Variants in KIAA0825 observed in about 807,000 individuals in gnomAD.
The protein encoded by KIAA0825 is uncharacterized protein KIAA0825.
A neutral mutation model predicts 147.6 loss-of-function variants in KIAA0825; 119 were observed. That is an observed-to-expected ratio of 0.81 (90% CI 0.69 to 0.94). The LOEUF (loss-of-function observed/expected upper bound fraction) is 0.94. Among genes scored for constraint, KIAA0825 ranks in the 40% least tolerant of loss-of-function variants. The pLI is 0.00. For missense variants in KIAA0825, 1,381 were observed against 1,472.7 expected (o/e 0.94, Z 1.02); for synonymous variants, 470 against 518.1 (o/e 0.91, Z 1.26).
At chr5:94,179,841 T>C (rs143688676) in intron 20 of KIAA0825, among the ~76,000 whole-genome samples, 2 of 152,006 alleles carry the variant, frequency 1.3e-5, no homozygotes, top group African/African-American at 4.8e-5. Context: ...ATAAAATAAA[T>C]ATACATGAAT....
intron 20 of KIAA0825, among the ~76,000 whole-genome samples, chr5:94,292,622 G>A (rs2150168778): frequency 6.6e-6 from 1 of 152,194 alleles, no homozygotes; most frequent in East Asian, 1.9e-4. Flanking sequence ...GGATGATGCT[G>A]GTCTCATAAA....
chr5:94,457,889 T>G (rs749551426), intron 12 of KIAA0825, among the ~76,000 whole-genome samples: 11 of 152,192 alleles, frequency 7.2e-5, no homozygotes, highest in African/African-American at 1.7e-4. Context: ...GTAAGCTCTA[T>G]GTGAATGGAG....
chr5:94,396,279 GA>G lies in KIAA0825; in HGVS notation c.3117del (p.Asp1041ThrfsTer10), dbSNP rs1327725333. 1 of 1,551,180 alleles carries G rather than the reference GA, an allele frequency of 6.4e-7. No individual in the cohort carries two copies. The highest frequency in any genetic ancestry group is 1.4e-5 in the African/African-American group (1 of 73,024). On this transcript the variant is annotated frameshift_variant, in exon 17 of 21. Coordinates refer to ENST00000682413, the MANE Select transcript of KIAA0825 (RefSeq NM_001145678.3). LOFTEE classifies it high-confidence loss of function. ...GNTVELLTGASLDRWSKEKLG... is the reference protein window; with the variant it reads ...GNTVELLTGAXLDRWSKEKLG... ...AATTTTTCTTTACTCCATCTGTCAAGAGAGGCACCTGTTAAAAGTTCCACAG... is the reference window on the plus strand; with the variant it reads ...AATTTTTCTTTACTCCATCTGTCAAGGAGGCACCTGTTAAAAGTTCCACAG...
chr5:94,435,178 T>G (rs556484162), intron 14 of KIAA0825, among the ~76,000 whole-genome samples: 34 of 152,154 alleles, frequency 2.2e-4, no homozygotes, highest in African/African-American at 7.9e-4. Context: ...TGCAAACTTG[T>G]TACATAGGTA....
At chr5:94,465,282 C>T (rs1421862469) in intron 10 of KIAA0825, among the ~76,000 whole-genome samples, 1 of 152,198 alleles carries the variant, frequency 6.6e-6, no homozygotes, top group African/African-American at 2.4e-5. Flanking sequence ...AGATCACAAA[C>T]ATTTAACCTA....
chr5:94,282,602 T>C (rs1777513974), intron 20 of KIAA0825, among the ~76,000 whole-genome samples: 1 of 152,128 alleles, frequency 6.6e-6, no homozygotes, highest in Non-Finnish European at 1.5e-5. Flanking sequence ...ATATTCTTGA[T>C]ATGAAATATT....
intron 1 of KIAA0825, among the ~76,000 whole-genome samples, chr5:94,602,839 T>C (rs1038297264): frequency 4.6e-5 from 7 of 151,926 alleles, no homozygotes; most frequent in African/African-American, 1.5e-4. Flanking sequence ...GCCTTTTTTT[T>C]TTTTTTTGAG....
At chr5:94,182,658 T>C (rs564046815) in intron 20 of KIAA0825, among the ~76,000 whole-genome samples, 1 of 152,268 alleles carries the variant, frequency 6.6e-6, no homozygotes, top group East Asian at 1.9e-4. Context: ...TGAAATACTT[T>C]TATGATAATT....
intron 20 of KIAA0825, among the ~76,000 whole-genome samples, chr5:94,241,155 TC>T: frequency 1.3e-5 from 2 of 152,302 alleles, no homozygotes; most frequent in Middle Eastern, 6.8e-3. Flanking sequence ...TTGGCAGACT[TC>T]CTGAGACTCT....
chr5:94,449,534 A>T (rs1460390924), intron 13 of KIAA0825, among the ~76,000 whole-genome samples: 1 of 152,120 alleles, frequency 6.6e-6, no homozygotes, highest in Non-Finnish European at 1.5e-5. Context: ...CAACACTGTT[A>T]CTCCTAATAG....
At chr5:94,184,728 C>A (rs1339376361) in intron 20 of KIAA0825, among the ~76,000 whole-genome samples, 1 of 152,120 alleles carries the variant, frequency 6.6e-6, no homozygotes, top group East Asian at 1.9e-4. Context: ...CACACACATA[C>A]ACAAGTCTTT....
chr5:94,492,652 G>C (rs1411216971), intron 5 of KIAA0825, among the ~76,000 whole-genome samples: 2 of 152,198 alleles, frequency 1.3e-5, no homozygotes, highest in Non-Finnish European at 2.9e-5. Flanking sequence ...TAGTGAGTGT[G>C]AGAGACAAAA....
chr5:94,532,250 C>T (rs376298502), intron 3 of KIAA0825, among the ~76,000 whole-genome samples: 1 of 152,078 alleles, frequency 6.6e-6, no homozygotes, highest in African/African-American at 2.4e-5. Flanking sequence ...CAGGCTCAAG[C>T]GATCCTTCCA....
At chr5:94,307,677 T>C (rs1239963894) in intron 20 of KIAA0825, among the ~76,000 whole-genome samples, 1 of 151,726 alleles carries the variant, frequency 6.6e-6, no homozygotes, top group African/African-American at 2.4e-5. Context: ...TTCCTTCAAA[T>C]TGCAGGTCAA....
chr5:94,227,052 T>G (rs1409445823), intron 20 of KIAA0825, among the ~76,000 whole-genome samples: 1 of 152,004 alleles, frequency 6.6e-6, no homozygotes, highest in Non-Finnish European at 1.5e-5. Flanking sequence ...ACTGGGTATA[T>G]ACCCAAAGGA....
intron 6 of KIAA0825, among the ~76,000 whole-genome samples, chr5:94,483,395 C>T (rs79393568): frequency 0.023 from 3,453 of 151,900 alleles, 57 homozygotes; most frequent in East Asian, 0.067. Flanking sequence ...CAAATCTTAG[C>T]CAGGCACGGT....
At chr5:94,279,629 C>T (rs1424016870) in intron 20 of KIAA0825, among the ~76,000 whole-genome samples, 2 of 152,008 alleles carry the variant, frequency 1.3e-5, no homozygotes, top group Non-Finnish European at 2.9e-5. Context: ...CCTTCCTTTT[C>T]TCTCCTCACC....
chr5:94,302,740 C>T (rs1459607687), intron 20 of KIAA0825, among the ~76,000 whole-genome samples: 2 of 152,016 alleles, frequency 1.3e-5, no homozygotes, highest in African/African-American at 2.4e-5. Context: ...CTCCTCTTGG[C>T]ACATCTCTAA....
intron 13 of KIAA0825, among the ~76,000 whole-genome samples, chr5:94,441,380 C>T (rs1307228360): frequency 1.3e-5 from 2 of 152,180 alleles, no homozygotes; most frequent in Admixed American, 6.5e-5. Flanking sequence ...TTCTGAAGCA[C>T]AGGCAGTAGG....
Sources: allele counts gnomAD v4.1 joint callset (sites outside exome capture counted in the v4.1 genomes callset), GRCh38; gene constraint gnomAD v4.1.1; transcripts MANE v1.5; gene names NCBI Gene and HGNC (gene_info 2026-07-23, HGNC 2026-07-21).